The following LYPD6 variants were observed in gnomAD, a reference collection of about 807,000 sequenced individuals.
LYPD6 encodes ly6/PLAUR domain-containing protein 6.
LYPD6 carries 15 observed loss-of-function variants against 22.7 expected under a neutral mutation model. The observed-to-expected ratio is 0.66, with a 90% confidence interval of 0.44 to 1.02. LYPD6 has a LOEUF of 1.02. Among genes scored for constraint, LYPD6 ranks in the 50% least tolerant of loss-of-function variants. The pLI is 0.00. For synonymous variants in LYPD6, 72 were observed against 77.5 expected (o/e 0.93, Z 0.37); for missense variants, 189 against 208.4 (o/e 0.91, Z 0.57).
At chr2:149,445,820 AT>A (rs1683675224) in intron 2 of LYPD6, among the ~76,000 whole-genome samples, 1 of 152,204 alleles carries the variant, frequency 6.6e-6, no homozygotes, top group African/African-American at 2.4e-5. Context: ...ACATTCGTGT[AT>A]TCATTAAAGT....
In LYPD6 at chr2:149,433,006, A is replaced by T. The variant is rs188890452; in HGVS notation, c.-71-4632A>T. Among the ~76,000 whole-genome samples, 130 of 152,382 alleles carry T rather than the reference A, an allele frequency of 8.5e-4. 1 individual carries two copies. The highest frequency in any genetic ancestry group is 1.5e-3 in the Non-Finnish European group (101 of 68,034). ...AGATGTTTTGAATATGTAAATGAAT[A>T]TTAAAACACTCCTTAAGTCCTACAT... is the stretch of plus-strand genomic sequence containing the variant. On this transcript the variant is annotated intron_variant, in intron 1 of 4. Coordinates refer to ENST00000334166, the MANE Select transcript of LYPD6 (RefSeq NM_194317.5).
At chr2:149,398,690 C>T (rs989554425) in intron 1 of LYPD6, among the ~76,000 whole-genome samples, 1 of 151,918 alleles carries the variant, frequency 6.6e-6, no homozygotes, top group South Asian at 2.1e-4. Context: ...CCAAACAGCT[C>T]GACCTGAATT....
intron 1 of LYPD6, among the ~76,000 whole-genome samples, chr2:149,385,318 C>T (rs1391238244): frequency 1.3e-5 from 2 of 152,116 alleles, no homozygotes; most frequent in East Asian, 1.9e-4. Flanking sequence ...AGAGCAGAAG[C>T]GTCTGAAAGG....
At chr2:149,417,300 GTA>G (rs1314748111) in intron 1 of LYPD6, among the ~76,000 whole-genome samples, 1 of 152,206 alleles carries the variant, frequency 6.6e-6, no homozygotes. Flanking sequence ...ATACTGCCTT[GTA>G]TATACTGATA....
chr2:149,398,514 A>G (rs1682478269), intron 1 of LYPD6, among the ~76,000 whole-genome samples: 1 of 151,628 alleles, frequency 6.6e-6, no homozygotes, highest in Admixed American at 6.6e-5. Context: ...TTCCCAGCAG[A>G]TTTTCAGAGG....
At chr2:149,408,129 G>T (rs1682765735) in intron 1 of LYPD6, among the ~76,000 whole-genome samples, 1 of 152,120 alleles carries the variant, frequency 6.6e-6, no homozygotes, top group African/African-American at 2.4e-5. Context: ...CGTGTGAGTT[G>T]TCAGTCTGCC....
intron 1 of LYPD6, among the ~76,000 whole-genome samples, chr2:149,346,925 T>C (rs867467253): frequency 1.2e-4 from 19 of 152,302 alleles, no homozygotes; most frequent in South Asian, 1.2e-3. Context: ...GGTCTTGATC[T>C]CTTCACCTTA....
At chr2:149,340,828 T>C (rs181193109) in intron 1 of LYPD6, among the ~76,000 whole-genome samples, 177 of 152,318 alleles carry the variant, frequency 1.2e-3, no homozygotes, top group Non-Finnish European at 1.3e-3. Context: ...TCTTGTCTTC[T>C]AAGAACATGA....
chr2:149,430,553 A>G (rs1293562771), intron 1 of LYPD6, among the ~76,000 whole-genome samples: 1 of 152,196 alleles, frequency 6.6e-6, no homozygotes. Context: ...TTTTTCAGGC[A>G]CCTAAGATAC....
At chr2:149,421,788 C>T (rs1683086669) in intron 1 of LYPD6, among the ~76,000 whole-genome samples, 1 of 152,092 alleles carries the variant, frequency 6.6e-6, no homozygotes, top group Admixed American at 6.6e-5. Flanking sequence ...TCATAATTAA[C>T]ATTCATTAGT....
At chr2:149,478,425 T>A (rs1183590961), downstream of LYPD6, among the ~76,000 whole-genome samples, 1 of 150,950 alleles carries the variant, frequency 6.6e-6, no homozygotes, top group East Asian at 1.9e-4. Flanking sequence ...TGGTTTTTTT[T>A]ATTTTTTATT....
downstream of LYPD6, among the ~76,000 whole-genome samples, chr2:149,475,924 CAT>C (rs929848639): frequency 4.6e-5 from 7 of 152,174 alleles, no homozygotes; most frequent in South Asian, 2.1e-4. Flanking sequence ...GTTCCACACA[CAT>C]GTCACAAGGG....
At chr2:149,331,483 C>T (rs576183696) in intron 1 of LYPD6, among the ~76,000 whole-genome samples, 1 of 152,298 alleles carries the variant, frequency 6.6e-6, no homozygotes, top group South Asian at 2.1e-4. Context: ...TCCCCTCTCC[C>T]GCCCCAGTAT....
intron 1 of LYPD6, among the ~76,000 whole-genome samples, chr2:149,367,195 C>G (rs748329317): frequency 4.6e-5 from 7 of 152,148 alleles, no homozygotes; most frequent in Non-Finnish European, 8.8e-5. Context: ...GGGTCTATTA[C>G]AAGGCTGCAA....
intron 1 of LYPD6, 75 bp downstream of exon 1, chr2:149,330,797 G>T (rs959820723): frequency 6.6e-6 from 1 of 152,300 alleles, no homozygotes; most frequent in African/African-American, 2.4e-5. Context: ...CTTAGGCGGG[G>T]CCTGGCCAAG....
chr2:149,406,340 G>C (rs1254744293), intron 1 of LYPD6, among the ~76,000 whole-genome samples: 1 of 151,890 alleles, frequency 6.6e-6, no homozygotes, highest in East Asian at 1.9e-4. Flanking sequence ...GGGTGTTAAA[G>C]TCTCCCATTA....
At chr2:149,338,525 T>A (rs1681101229) in intron 1 of LYPD6, among the ~76,000 whole-genome samples, 1 of 152,122 alleles carries the variant, frequency 6.6e-6, no homozygotes, top group Non-Finnish European at 1.5e-5. Context: ...TTAGTGCCTT[T>A]ATAAAAGAGG....
At chr2:149,351,335 A>T (rs946130172) in intron 1 of LYPD6, among the ~76,000 whole-genome samples, 6 of 143,844 alleles carry the variant, frequency 4.2e-5, no homozygotes, top group Non-Finnish European at 9.0e-5. Context: ...TGGAGGTTGC[A>T]TTGAGCTGAG....
chr2:149,352,294 C>T (rs760896153), intron 1 of LYPD6, among the ~76,000 whole-genome samples: 5 of 151,980 alleles, frequency 3.3e-5, no homozygotes, highest in Admixed American at 6.6e-5. Context: ...TCTGGGGCTC[C>T]GGAAGGCAAA....
Sources: allele counts gnomAD v4.1 joint callset (sites outside exome capture counted in the v4.1 genomes callset), GRCh38; gene constraint gnomAD v4.1.1; transcripts MANE v1.5; gene names NCBI Gene and HGNC (gene_info 2026-07-23, HGNC 2026-07-21).